The following CADPS2 variants were observed in gnomAD, a reference collection of about 807,000 sequenced individuals.
CADPS2 encodes the protein calcium dependent secretion activator 2.
CADPS2 carries 93 observed loss-of-function variants against 172.5 expected under a neutral mutation model. That is an observed-to-expected ratio of 0.54 (90% CI 0.46 to 0.64). The LOEUF is 0.64. Ranked by LOEUF, CADPS2 falls within the 30% of genes least tolerant of loss-of-function variation. The pLI, the probability that CADPS2 is intolerant of heterozygous loss-of-function variation, is 0.00. For synonymous variants in CADPS2, 546 were observed against 555.2 expected (o/e 0.98, Z 0.23); for missense variants, 1,420 against 1,565.9 (o/e 0.91, Z 1.57).
chr7:122,454,104 G>T (rs890870894), intron 14 of CADPS2, among the ~76,000 whole-genome samples: 3 of 152,116 alleles, frequency 2.0e-5, no homozygotes, highest in African/African-American at 7.2e-5. Context: ...AAAGGCAACA[G>T]TTCCTCCTAC....
chr7:122,676,581 CT>C, intron 2 of CADPS2: 1 of 938,160 alleles, frequency 1.1e-6, no homozygotes, highest in Non-Finnish European at 1.6e-6. Context: ...TAAATATCCA[CT>C]TCACACAGCA....
intron 1 of CADPS2, among the ~76,000 whole-genome samples, chr7:122,786,901 C>G (rs1794177299): frequency 6.6e-6 from 1 of 152,148 alleles, no homozygotes; most frequent in African/African-American, 2.4e-5. Flanking sequence ...TAAGCATCTT[C>G]CCACTAGAAA....
chr7:122,689,226 G>A (rs1274285248), intron 2 of CADPS2, among the ~76,000 whole-genome samples: 1 of 152,090 alleles, frequency 6.6e-6, no homozygotes, highest in Admixed American at 6.5e-5. Flanking sequence ...TTAACCTCCT[G>A]GGACACCCCT....
intron 6 of CADPS2, among the ~76,000 whole-genome samples, chr7:122,589,264 G>C (rs978892667): frequency 2.0e-5 from 3 of 151,824 alleles, no homozygotes; most frequent in African/African-American, 7.3e-5. Context: ...ATTGAATAAT[G>C]TAACAACCTC....
intron 25 of CADPS2, among the ~76,000 whole-genome samples, chr7:122,364,161 A>G (rs2040545443): frequency 6.6e-6 from 1 of 152,162 alleles, no homozygotes; most frequent in South Asian, 2.1e-4. Context: ...TTGTAATCCC[A>G]GCACTTTGGG....
intron 1 of CADPS2, among the ~76,000 whole-genome samples, chr7:122,847,003 G>C (rs912258672): frequency 1.3e-5 from 2 of 152,194 alleles, no homozygotes; most frequent in African/African-American, 4.8e-5. Flanking sequence ...GACTCCACTG[G>C]TGACTTTACA....
chr7:122,441,524 T>G lies in CADPS2; in HGVS notation c.2340A>C (p.Ser780=). ...RPEGALKATL[S]LLERVLMKDI... ...TGTTCAAACATACCCTTTCAAGTAA[T>G]GAAAGTGTAGCTTTTAGAGCACCTT... is the stretch of plus-strand genomic sequence containing the variant. The change falls in exon 16 of 30, where the codon TCA becomes TCC. Residue 780 remains serine (S), a synonymous_variant. Transcript: ENST00000449022. The G allele has an allele frequency of 6.5e-7, 1 of 1,531,532 alleles. No homozygotes were observed. The highest frequency in any genetic ancestry group is 8.8e-7 in the Non-Finnish European group (1 of 1,139,444). 94.9% of individuals were successfully genotyped at this position (1,531,532 alleles called of 1,614,324 possible).
chr7:122,424,544 G>A (rs1287851758), intron 17 of CADPS2: 1 of 152,348 alleles, frequency 6.6e-6, no homozygotes, highest in African/African-American at 2.4e-5. Context: ...GACTATCTTG[G>A]GGTGGAATAT....
intron 6 of CADPS2, among the ~76,000 whole-genome samples, chr7:122,607,137 C>T (rs2073678359): frequency 6.6e-6 from 1 of 152,148 alleles, no homozygotes; most frequent in Non-Finnish European, 1.5e-5. Flanking sequence ...TCAGGAAAAG[C>T]AAGAATGGAT....
chr7:122,327,952 C>A (rs2150764640), intron 28 of CADPS2, among the ~76,000 whole-genome samples: 1 of 152,072 alleles, frequency 6.6e-6, no homozygotes, highest in Admixed American at 6.6e-5. Context: ...AAAAATTATT[C>A]TATCAAATAA....
At chr7:122,799,618 A>AG (rs1797166859) in intron 1 of CADPS2, among the ~76,000 whole-genome samples, 1 of 151,506 alleles carries the variant, frequency 6.6e-6, no homozygotes, top group African/African-American at 2.4e-5. Context: ...AAAAAAAAAA[A>AG]AAGAAAAGAA....
chr7:122,738,846 A>T lies in CADPS2; in HGVS notation c.340-1778T>A, dbSNP rs5887113. On this transcript the variant is annotated intron_variant, in intron 1 of 29. Transcript: ENST00000449022. ...AATTAAAAAGTGTCCTATTGTACCC[A>T]GGGGGGGAAAAAAAAAAAAAAAAAA... Among the ~76,000 whole-genome samples the T allele has an allele frequency of 1.9e-5, 2 of 103,182 alleles. 1 individual carries two copies. Among genetic ancestry groups the T allele is most frequent in the Admixed American group, 2.2e-4 (2 of 9,072 alleles). 67.7% of individuals were successfully genotyped at this position (103,182 alleles called of 152,430 possible). A position where few individuals can be genotyped will look rare whatever the true frequency, so the allele number is the denominator to read the frequency against.
At chr7:122,809,579 C>CA (rs34872485) in intron 1 of CADPS2, among the ~76,000 whole-genome samples, 1,565 of 101,588 alleles carry the variant, frequency 0.015, 12 homozygotes, top group Admixed American at 0.025. Flanking sequence ...GACACTGTCT[C>CA]AAAAAAAAAA....
At chr7:122,842,378 C>T (rs752891445) in intron 1 of CADPS2, among the ~76,000 whole-genome samples, 5 of 152,136 alleles carry the variant, frequency 3.3e-5, no homozygotes, top group Non-Finnish European at 7.4e-5. Flanking sequence ...TCCTCATGAA[C>T]GCTTTCTGCC....
At chr7:122,334,658 A>G (rs2035564134) in intron 28 of CADPS2, among the ~76,000 whole-genome samples, 1 of 152,168 alleles carries the variant, frequency 6.6e-6, no homozygotes, top group African/African-American at 2.4e-5. Flanking sequence ...TTGGCTCTAA[A>G]CCTTTAGCAA....
chr7:122,490,527 A>G (rs890221483), intron 10 of CADPS2, among the ~76,000 whole-genome samples: 2 of 152,182 alleles, frequency 1.3e-5, no homozygotes, highest in African/African-American at 2.4e-5. Flanking sequence ...ATGACAGAGT[A>G]TCATTCTACA....
chr7:122,648,399 C>T (rs1223638151), intron 3 of CADPS2, among the ~76,000 whole-genome samples: 3 of 152,096 alleles, frequency 2.0e-5, no homozygotes, highest in African/African-American at 7.2e-5. Flanking sequence ...AACCAGGCAT[C>T]ACCTGCAATC....
chr7:122,710,107 C>T (rs532807479), intron 2 of CADPS2, among the ~76,000 whole-genome samples: 82 of 150,480 alleles, frequency 5.4e-4, no homozygotes, highest in African/African-American at 1.8e-3. Context: ...CTTCCTAAGC[C>T]ACAATCAGTC....
Position 122,645,442 on chromosome 7 carries a change from TACACACAC to T in CADPS2, c.787-16122_787-16115del, listed in dbSNP as rs1251398211. Among the ~76,000 whole-genome samples, 104 of 98,784 alleles carry T rather than the reference TACACACAC, an allele frequency of 1.1e-3. 4 individuals carry two copies. The highest frequency in any genetic ancestry group is 1.4e-3 in the Non-Finnish European group (61 of 44,254). The allele number at this position is 98,784 out of a possible 152,430, so 64.8% of individuals were successfully genotyped here. On this transcript the variant is annotated intron_variant, in intron 3 of 29. Transcript: ENST00000449022. The stretch of plus-strand genomic sequence containing the variant: ...GTATATGTGTGTATATATGTATATA[TACACACAC>T]ATATGTATATATGTGTATATATGTA...
Sources: gnomAD v4.1 joint callset for allele counts (sites outside exome capture counted in the v4.1 genomes callset) on GRCh38, gnomAD v4.1.1 for gene constraint, MANE v1.5 for transcripts, NCBI Gene and HGNC (gene_info 2026-07-23, HGNC 2026-07-21) for gene names.